Variants in SPSB4 observed in about 807,000 individuals in gnomAD.
SPSB4 encodes the protein splA/ryanodine receptor domain and SOCS box containing 4.
SPSB4 carries 21 observed loss-of-function variants against 20.9 expected under a neutral mutation model. That is an observed-to-expected ratio of 1.01 (90% CI 0.71 to 1.45). SPSB4 has a LOEUF of 1.45. SPSB4 is among the 40% of genes most tolerant of loss of function. The pLI, the probability that SPSB4 is intolerant of heterozygous loss-of-function variation, is 0.00. For synonymous variants in SPSB4, 207 were observed against 183.8 expected (o/e 1.13, Z -1.02); for missense variants, 399 against 399.2 (o/e 1.00, Z 0.00).
chr3:141,140,636 C>T (rs1939309418), intron 2 of SPSB4, among the ~76,000 whole-genome samples: 1 of 152,202 alleles, frequency 6.6e-6, no homozygotes, highest in Non-Finnish European at 1.5e-5. Flanking sequence ...GCGGTGGCTG[C>T]AGAACAGCGG....
chr3:141,138,983 G>A (rs1428470186), intron 2 of SPSB4, among the ~76,000 whole-genome samples: 4 of 152,108 alleles, frequency 2.6e-5, no homozygotes, highest in Non-Finnish European at 5.9e-5. Flanking sequence ...TCTTTTTGTA[G>A]GTTACTAAGG....
At chr3:141,125,910 G>C (rs754036770) in intron 2 of SPSB4, among the ~76,000 whole-genome samples, 3 of 152,172 alleles carry the variant, frequency 2.0e-5, no homozygotes, top group Non-Finnish European at 2.9e-5. Flanking sequence ...TGTGAAGATA[G>C]AGGAGAATCA....
chr3:141,071,735 G>C (rs985283480), intron 2 of SPSB4, among the ~76,000 whole-genome samples: 16 of 152,202 alleles, frequency 1.1e-4, no homozygotes, highest in African/African-American at 3.6e-4. Context: ...ACAGGGTGGA[G>C]CGTGGAAATA....
chr3:141,091,735 A>G (rs1486656976), intron 2 of SPSB4, among the ~76,000 whole-genome samples: 1 of 152,204 alleles, frequency 6.6e-6, no homozygotes, highest in African/African-American at 2.4e-5. Flanking sequence ...GCCAGCAGTA[A>G]TGTGGACGCT....
At chr3:141,120,174 C>T (rs981503811) in intron 2 of SPSB4, among the ~76,000 whole-genome samples, 18 of 152,144 alleles carry the variant, frequency 1.2e-4, no homozygotes, top group South Asian at 6.2e-4. Flanking sequence ...CATTTATTTA[C>T]CTATTAGTCA....
At chr3:141,056,762 G>T (rs1157418304) in intron 1 of SPSB4, among the ~76,000 whole-genome samples, 1 of 152,254 alleles carries the variant, frequency 6.6e-6, no homozygotes, top group Non-Finnish European at 1.5e-5. Flanking sequence ...GAATCCAGCT[G>T]CCCTGCAAAC....
Position 141,066,497 on chromosome 3 carries a change from G to T in SPSB4, c.393G>T (p.Ala131=). 3 of 1,502,028 alleles carry T rather than the reference G, an allele frequency of 2.0e-6. No homozygotes were observed. The highest frequency in any genetic ancestry group is 1.3e-5 in the South Asian group (1 of 75,864). The allele number at this position is 1,502,028 out of a possible 1,614,324, so 93.0% of individuals were successfully genotyped here. ...CCCTGCACTCCGTGGGCTACACGGC[G>T]CTGGTAGGCAGTGACGCCGAGTCGT... ...RAPLHSVGYT[A]LVGSDAESWG... Residue 131 remains alanine (A), a synonymous_variant, in exon 2 of 3, where the codon GCG becomes GCT. Transcript: ENST00000310546.
intron 2 of SPSB4, among the ~76,000 whole-genome samples, chr3:141,126,173 GAGAAGC>G (rs1416606868): frequency 6.6e-6 from 1 of 152,194 alleles, no homozygotes; most frequent in African/African-American, 2.4e-5. Context: ...AGACAGGAAA[GAGAAGC>G]TCAGAGAGGG....
chr3:141,054,698 G>A (rs2107773363), intron 1 of SPSB4, among the ~76,000 whole-genome samples: 1 of 152,360 alleles, frequency 6.6e-6, no homozygotes, highest in East Asian at 1.9e-4. Flanking sequence ...ACGTGTGGTG[G>A]TTCATGCCCG....
chr3:141,060,822 C>T (rs776392464), intron 1 of SPSB4, among the ~76,000 whole-genome samples: 2 of 152,176 alleles, frequency 1.3e-5, no homozygotes, highest in Non-Finnish European at 2.9e-5. Context: ...AGCTGATAGA[C>T]AAAAATGGCA....
chr3:141,141,364 G>C (rs1033207928), intron 2 of SPSB4, among the ~76,000 whole-genome samples: 1 of 152,194 alleles, frequency 6.6e-6, no homozygotes, highest in South Asian at 2.1e-4. Context: ...GCACTCCCCT[G>C]TGAGATGAAC....
At chr3:141,132,886 A>G (rs940669218) in intron 2 of SPSB4, among the ~76,000 whole-genome samples, 1 of 152,240 alleles carries the variant, frequency 6.6e-6, no homozygotes, top group Non-Finnish European at 1.5e-5. Flanking sequence ...ACTGTTTTCC[A>G]TAATGGTTGT....
intron 2 of SPSB4, among the ~76,000 whole-genome samples, chr3:141,116,855 G>A (rs1938887370): frequency 6.6e-6 from 1 of 152,214 alleles, no homozygotes; most frequent in Non-Finnish European, 1.5e-5. Context: ...CAACACTCAT[G>A]AGTTCCCAAG....
chr3:141,108,845 C>G (rs1938747842), intron 2 of SPSB4, among the ~76,000 whole-genome samples: 1 of 152,142 alleles, frequency 6.6e-6, no homozygotes, highest in Non-Finnish European at 1.5e-5. Context: ...ATGGAGAAGA[C>G]CGAAAGCAGC....
In SPSB4 at chr3:141,056,883, T is replaced by C. The variant is rs144826672; in HGVS notation, c.-154+4891T>C. On this transcript the variant is annotated intron_variant, in intron 1 of 2. Transcript: ENST00000310546. ...GTCTCAGTGGTATGTCTCTTTCAAATGACCTTGCAGAGCTTGCTGCCCTGG... is the reference window on the plus strand; with the variant it reads ...GTCTCAGTGGTATGTCTCTTTCAAACGACCTTGCAGAGCTTGCTGCCCTGG... 1.6e-4 allele frequency among the ~76,000 whole-genome samples: 24 copies of C among 152,380 alleles called. No individual in the cohort carries two copies. In the East Asian group the frequency reaches 4.6e-3, roughly 29 times the overall value.
intron 2 of SPSB4, among the ~76,000 whole-genome samples, chr3:141,112,960 C>A (rs1196984558): frequency 6.6e-6 from 1 of 152,142 alleles, no homozygotes; most frequent in Non-Finnish European, 1.5e-5. Flanking sequence ...TTGACCATGT[C>A]TTGGACAGAT....
At position 141,066,094 on chromosome 3, in the gene SPSB4, C is replaced by T. The variant is rs1285127638; in HGVS notation, c.-11C>T. 7.9e-6 allele frequency: 12 copies of T among 1,511,552 alleles called. No individual in the cohort carries two copies. The highest frequency in any genetic ancestry group is 1.2e-5 in the South Asian group (1 of 80,962). 93.6% of individuals were successfully genotyped at this position (1,511,552 alleles called of 1,614,324 possible). A position where few individuals can be genotyped will look rare whatever the true frequency, so the allele number is the denominator to read the frequency against. On this transcript the variant is annotated 5_prime_UTR_variant, in exon 2 of 3. Coordinates refer to ENST00000310546, the MANE Select transcript of SPSB4 (RefSeq NM_080862.3). ...CGGTGGCCTGCAGCGGCCTCCTCCC[C>T]GCAGTGAAGCATGGGCCAGAAGCTC...
chr3:141,138,653 GT>G (rs1374492961), intron 2 of SPSB4, among the ~76,000 whole-genome samples: 1 of 152,314 alleles, frequency 6.6e-6, no homozygotes, highest in East Asian at 1.9e-4. Context: ...TTTTGAGTGA[GT>G]TTCTTAATCC....
chr3:141,077,960 C>G (rs972326160), intron 2 of SPSB4, among the ~76,000 whole-genome samples: 2 of 152,256 alleles, frequency 1.3e-5, no homozygotes, highest in Non-Finnish European at 2.9e-5. Context: ...TGGTCTCCCC[C>G]CATCTCCTCT....
Sources: allele counts gnomAD v4.1 joint callset (sites outside exome capture counted in the v4.1 genomes callset), GRCh38; gene constraint gnomAD v4.1.1; transcripts MANE v1.5; gene names NCBI Gene and HGNC (gene_info 2026-07-23, HGNC 2026-07-21).